RREB1: variants seen among roughly 807,000 people sequenced by gnomAD.
RREB1 encodes the protein ras responsive element binding protein 1.
A neutral mutation model predicts 117.8 loss-of-function variants in RREB1; 27 were observed. The observed-to-expected ratio is 0.23, with a 90% CI of 0.17 to 0.32. The LOEUF (loss-of-function observed/expected upper bound fraction) is 0.32, where lower values mean the gene tolerates loss of function less well. RREB1 is among the 10% of genes least tolerant of loss of function. The pLI is 1.00. For missense variants in RREB1, 2,577 were observed against 2,378.2 expected (o/e 1.08, Z -1.74); for synonymous variants, 1,298 against 1,026.7 (o/e 1.26, Z -5.05).
intron 1 of RREB1, among the ~76,000 whole-genome samples, chr6:7,164,101 A>G (rs1284151321): frequency 1.3e-5 from 2 of 152,186 alleles, no homozygotes; most frequent in East Asian, 3.9e-4. Context: ...TCTGGTCGCC[A>G]CACATGCCCT....
At chr6:7,226,686 G>A (rs1033508252) in intron 9 of RREB1, 30 bp downstream of exon 9, 2 of 1,562,186 alleles carry the variant, frequency 1.3e-6, no homozygotes, top group African/African-American at 1.4e-5. Flanking sequence ...GAAGCAACCA[G>A]CAACTGCCTT....
Position 7,231,487 on chromosome 6 carries a change from C to T in RREB1, c.3388C>T (p.Pro1130Ser), listed in dbSNP as rs748997826. 9.9e-5 allele frequency: 159 copies of T among 1,611,472 alleles called. No individual in the cohort carries two copies. The highest frequency in any genetic ancestry group is 1.6e-4 in the Middle Eastern group (1 of 6,082). Residue 1130 changes from proline to serine, a missense_variant, in exon 10 of 13, where the codon CCC becomes TCC. Transcript: ENST00000379938. Reference protein sequence around the residue: ...TTSPKESSEPPAPASSPEAAS... With the variant: ...TTSPKESSEPSAPASSPEAAS... Reference sequence around the variant, plus strand: ...CAGCCCAAAAGAGTCTAGTGAGCCTCCCGCTCCAGCCAGCAGCCCAGAGGC... The same window carrying T: ...CAGCCCAAAAGAGTCTAGTGAGCCTTCCGCTCCAGCCAGCAGCCCAGAGGC...
chr6:7,238,297 G>A (rs1425318927), intron 10 of RREB1, among the ~76,000 whole-genome samples: 1 of 152,134 alleles, frequency 6.6e-6, no homozygotes, highest in Non-Finnish European at 1.5e-5. Context: ...GAGTGCAGTG[G>A]CACAATCTCT....
chr6:7,222,591 CAG>C (rs1767329264), intron 8 of RREB1, among the ~76,000 whole-genome samples: 5 of 152,062 alleles, frequency 3.3e-5, no homozygotes, highest in Admixed American at 2.0e-4. Flanking sequence ...TGTCCAGAAA[CAG>C]GAGGGATTTA....
At chr6:7,197,908 C>T (rs1765749930) in intron 6 of RREB1, among the ~76,000 whole-genome samples, 1 of 152,162 alleles carries the variant, frequency 6.6e-6, no homozygotes, top group East Asian at 1.9e-4. Flanking sequence ...AATGAGACCA[C>T]GAAGGCTCTG....
intron 1 of RREB1, among the ~76,000 whole-genome samples, chr6:7,137,985 C>T (rs12213882): frequency 0.046 from 6,940 of 152,214 alleles, 236 homozygotes; most frequent in Non-Finnish European, 0.066. Flanking sequence ...CACTCACTTA[C>T]GCCTAGTCAG....
chr6:7,171,274 C>T (rs1432503165), intron 1 of RREB1, among the ~76,000 whole-genome samples: 1 of 152,166 alleles, frequency 6.6e-6, no homozygotes, highest in East Asian at 1.9e-4. Flanking sequence ...TCCAGTTCTG[C>T]CTCCTGCCAG....
At chr6:7,157,750 C>T (rs1348999945) in intron 1 of RREB1, among the ~76,000 whole-genome samples, 2 of 147,054 alleles carry the variant, frequency 1.4e-5, no homozygotes, top group Non-Finnish European at 2.9e-5. Context: ...GAGCAAGACT[C>T]TGTCTGTCTC....
At chr6:7,208,220 G>C (rs1418192117) in intron 6 of RREB1, among the ~76,000 whole-genome samples, 2 of 152,200 alleles carry the variant, frequency 1.3e-5, no homozygotes, top group African/African-American at 4.8e-5. Context: ...ACAGCTTGAG[G>C]GAAGGGGTCA....
intron 9 of RREB1, among the ~76,000 whole-genome samples, chr6:7,228,077 C>CT (rs531687401): frequency 0.024 from 3,647 of 152,270 alleles, 52 homozygotes; most frequent in Middle Eastern, 0.034. Context: ...AAAACTAAAA[C>CT]TGCCTTGAAA....
At chr6:7,141,134 C>A (rs900288673) in intron 1 of RREB1, among the ~76,000 whole-genome samples, 6 of 152,126 alleles carry the variant, frequency 3.9e-5, no homozygotes, top group Non-Finnish European at 7.4e-5. Flanking sequence ...GGGGCCCCCT[C>A]GGGCCGCCCC....
intron 8 of RREB1, 49 bp from the exon 9 acceptor site, chr6:7,226,418 T>A: frequency 7.0e-7 from 1 of 1,426,024 alleles, no homozygotes; most frequent in Non-Finnish European, 9.6e-7. Flanking sequence ...AACTGCTTCC[T>A]CATATGCTCT....
At chr6:7,228,970 T>G in intron 9 of RREB1, 27 bp from the exon 10 acceptor site, 1 of 1,480,758 alleles carries the variant, frequency 6.8e-7, no homozygotes, top group East Asian at 2.3e-5. Flanking sequence ...ATGTGTTCCC[T>G]TGCTTTTACC....
intron 6 of RREB1, among the ~76,000 whole-genome samples, chr6:7,196,969 C>G (rs1186136564): frequency 6.6e-6 from 1 of 152,198 alleles, no homozygotes; most frequent in East Asian, 1.9e-4. Flanking sequence ...AACTCTTTAT[C>G]AGTTGCTCCC....
intron 1 of RREB1, among the ~76,000 whole-genome samples, chr6:7,155,082 T>C (rs541738431): frequency 4.6e-5 from 7 of 152,212 alleles, no homozygotes; most frequent in African/African-American, 1.4e-4. Flanking sequence ...CAGAGGGAGA[T>C]AGTTCAGTCG....
chr6:7,189,395 A>G lies in RREB1; in HGVS notation c.425+73A>G, dbSNP rs555763392. The stretch of plus-strand genomic sequence containing the variant: ...TTGGCAGGCAGGACAGTGGCCTCTG[A>G]GCCTTCAGAAGACTTGCCTAAAGGT... On this transcript the variant is annotated intron_variant, in intron 6 of 12. Transcript: ENST00000379938. 105 of 1,383,522 alleles carry G rather than the reference A, an allele frequency of 7.6e-5. No homozygotes were observed. The African/African-American group carries it at 1.4e-3, about 18-fold the overall frequency. 85.7% of individuals were successfully genotyped at this position (1,383,522 alleles called of 1,614,324 possible). A position where few individuals can be genotyped will look rare whatever the true frequency, so the allele number is the denominator to read the frequency against.
intron 6 of RREB1, among the ~76,000 whole-genome samples, chr6:7,207,987 T>C (rs1045261514): frequency 2.6e-5 from 4 of 152,180 alleles, no homozygotes; most frequent in African/African-American, 9.6e-5. Context: ...TAAATGGTGA[T>C]GCCTCCAGTC....
Position 7,181,533 on chromosome 6 carries a change from C to T in RREB1, c.-43+287C>T, listed in dbSNP as rs563993230. The T allele has an allele frequency of 1.8e-4, 95 of 519,298 alleles. 1 individual carries two copies. Among genetic ancestry groups the T allele is most frequent in the African/African-American group, 1.3e-3 (66 of 50,510 alleles). The allele number at this position is 519,298 out of a possible 1,614,324, so 32.2% of individuals were successfully genotyped here. ...AGGTTCTTAGGAGGGTGCTGCAGGG[C>T]GGCAGCTTTCTGGGCTTTGTCATTG... On this transcript the variant is annotated intron_variant, in intron 3 of 12. Transcript: ENST00000379938.
rs1026371197 is a variant in RREB1, at chr6:7,251,501, T to G, written c.*2533T>G. The G allele has an allele frequency of 2.0e-5, 3 of 149,610 alleles. No individual in the cohort carries two copies. Among genetic ancestry groups the G allele is most frequent in the African/African-American group, 4.9e-5 (2 of 40,816 alleles). The allele number at this position is 149,610 out of a possible 1,614,324, so 9.3% of individuals were successfully genotyped here. The stretch of plus-strand genomic sequence containing the variant: ...GCAAGTTTTTTCTCTTTTTTTTTTT[T>G]TTTTTTTTTTCTCATTGATTAATGG... On this transcript the variant is annotated 3_prime_UTR_variant, in exon 13 of 13. Transcript: ENST00000379938.
Sources: gnomAD v4.1 joint callset for allele counts (sites outside exome capture counted in the v4.1 genomes callset) on GRCh38, gnomAD v4.1.1 for gene constraint, MANE v1.5 for transcripts, NCBI Gene and HGNC (gene_info 2026-07-23, HGNC 2026-07-21) for gene names.